Variants in RGS6 observed in about 807,000 individuals in gnomAD.
RGS6 encodes the protein regulator of G-protein signaling 6.
RGS6 carries 30 observed loss-of-function variants against 78.5 expected under a neutral mutation model. The ratio of observed to expected loss-of-function variants is 0.38; its 90% confidence interval spans 0.29 to 0.52. RGS6 has a LOEUF of 0.52. Among genes scored for constraint, RGS6 ranks in the 20% least tolerant of loss-of-function variants. The probability of loss-of-function intolerance (pLI) is 0.85; values close to 1 mark genes in which losing one functional copy is unlikely to be tolerated. For missense variants in RGS6, 495 were observed against 609.7 expected, an observed-to-expected ratio of 0.81 and a Z score of 1.98; for synonymous variants, 206 against 206.0, an observed-to-expected ratio of 1.00 and a Z score of 0.00.
rs551547840 is a variant in RGS6, at chr14:72,411,711, G to C, written c.185-42817G>C. ...TGATATTGGCTGTGGGTTTGTCATA[G>C]ATAGCTCTTATTATTTTGAGATACA... On this transcript the variant is annotated intron_variant, in intron 3 of 17. Transcript: ENST00000553525. Among the ~76,000 whole-genome samples the C allele has an allele frequency of 1.9e-3, 288 of 152,230 alleles. 1 individual carries two copies. The highest frequency in any genetic ancestry group is 6.4e-3 in the African/African-American group (267 of 41,516).
the RGS6 span, among the ~76,000 whole-genome samples, chr14:71,926,868 C>A: frequency 6.6e-6 from 1 of 152,104 alleles, no homozygotes; most frequent in African/African-American, 2.4e-5. Context: ...ATAAAGGATC[C>A]TTCTTATTGA....
At chr14:72,091,248 C>T (rs2095260240) in intron 2 of RGS6, among the ~76,000 whole-genome samples, 1 of 152,132 alleles carries the variant, frequency 6.6e-6, no homozygotes, top group Non-Finnish European at 1.5e-5. Flanking sequence ...TGGTATTGGC[C>T]CCTGCCTTTG....
At chr14:72,367,807 G>T (rs1223414715) in intron 3 of RGS6, among the ~76,000 whole-genome samples, 1 of 152,184 alleles carries the variant, frequency 6.6e-6, no homozygotes, top group Non-Finnish European at 1.5e-5. Context: ...GTTGGTCACT[G>T]TGTGACCTTG....
chr14:71,918,366 T>G, the RGS6 span, among the ~76,000 whole-genome samples: 3 of 152,206 alleles, frequency 2.0e-5, no homozygotes, highest in African/African-American at 7.2e-5. Context: ...AAAGGCTGCA[T>G]TCACCATTTA....
intron 1 of RGS6, among the ~76,000 whole-genome samples, chr14:71,958,020 CAT>C (rs34880009): frequency 0.29 from 42,751 of 149,496 alleles, 6,503 homozygotes; most frequent in Admixed American, 0.35. Flanking sequence ...CTCATGCATG[CAT>C]ATATATATAT....
chr14:71,991,264 A>G (rs765920890), intron 2 of RGS6, among the ~76,000 whole-genome samples: 1 of 152,174 alleles, frequency 6.6e-6, no homozygotes, highest in Non-Finnish European at 1.5e-5. Flanking sequence ...TTATCTCAGA[A>G]CTATTGAGTT....
chr14:72,502,954 A>G (rs929126698), intron 13 of RGS6, among the ~76,000 whole-genome samples: 10 of 152,180 alleles, frequency 6.6e-5, no homozygotes, highest in Non-Finnish European at 1.0e-4. Flanking sequence ...TTTTTCTAAT[A>G]ACTTGTCTTA....
chr14:72,261,650 G>A (rs1387697720), intron 2 of RGS6, among the ~76,000 whole-genome samples: 10 of 152,072 alleles, frequency 6.6e-5, no homozygotes, highest in African/African-American at 1.9e-4. Context: ...AAACCCACAC[G>A]ATACAGAGAC....
At chr14:72,442,016 A>G (rs570585042) in intron 3 of RGS6, among the ~76,000 whole-genome samples, 1 of 152,234 alleles carries the variant, frequency 6.6e-6, no homozygotes, top group Non-Finnish European at 1.5e-5. Context: ...TGAGAACTGG[A>G]ATGGAGGGAA....
chr14:72,217,719 GC>G (rs1369618693), intron 2 of RGS6, among the ~76,000 whole-genome samples: 5 of 152,046 alleles, frequency 3.3e-5, no homozygotes, highest in Non-Finnish European at 7.4e-5. Flanking sequence ...ATCCTTCCAT[GC>G]CATTTTTCAC....
intron 2 of RGS6, among the ~76,000 whole-genome samples, chr14:72,302,598 T>C (rs188633276): frequency 7.2e-4 from 110 of 152,266 alleles, no homozygotes; most frequent in African/African-American, 2.5e-3. Flanking sequence ...ACCTGCATCA[T>C]TATTGAAGTA....
chr14:72,221,831 G>T (rs142614086), intron 2 of RGS6, among the ~76,000 whole-genome samples: 2 of 152,242 alleles, frequency 1.3e-5, no homozygotes, highest in East Asian at 3.9e-4. Context: ...GTGCTAGTTG[G>T]CTTAGGCCAG....
At chr14:72,198,653 AG>A (rs968250000) in intron 2 of RGS6, among the ~76,000 whole-genome samples, 6 of 152,232 alleles carry the variant, frequency 3.9e-5, no homozygotes, top group African/African-American at 1.4e-4. Flanking sequence ...CTTGAAGTTC[AG>A]CTTCCTAATT....
intron 3 of RGS6, among the ~76,000 whole-genome samples, chr14:72,394,998 C>T (rs963260014): frequency 1.8e-4 from 27 of 152,234 alleles, no homozygotes; most frequent in Admixed American, 5.2e-4. Flanking sequence ...CCGGTCCCTC[C>T]GTTTGGGGTC....
chr14:72,110,748 G>T (rs2095741034), intron 2 of RGS6, among the ~76,000 whole-genome samples: 1 of 152,198 alleles, frequency 6.6e-6, no homozygotes, highest in Non-Finnish European at 1.5e-5. Context: ...ATGTTTGGGG[G>T]AAAGAAGTTT....
chr14:72,176,235 G>T (rs944934560), intron 2 of RGS6, among the ~76,000 whole-genome samples: 3 of 152,182 alleles, frequency 2.0e-5, no homozygotes, highest in Non-Finnish European at 4.4e-5. Context: ...GAGTTTTGGA[G>T]AACTACATTT....
chr14:72,322,690 T>C (rs577679670), intron 2 of RGS6, among the ~76,000 whole-genome samples: 61 of 152,088 alleles, frequency 4.0e-4, no homozygotes, highest in Non-Finnish European at 8.5e-4. Context: ...GACAAGAATT[T>C]GCTATGTTCA....
chr14:72,061,283 G>T (rs563328740), intron 2 of RGS6, among the ~76,000 whole-genome samples: 10 of 152,182 alleles, frequency 6.6e-5, no homozygotes, highest in Admixed American at 3.9e-4. Context: ...TATATCTTCA[G>T]CAGTATCCTT....
chr14:72,629,557 T>G, the RGS6 span: 1 of 1,427,330 alleles, frequency 7.0e-7, no homozygotes, highest in Non-Finnish European at 9.5e-7. Flanking sequence ...CCTTCCTTCC[T>G]CTTCACCCCT....
Sources: allele counts gnomAD v4.1 joint callset (sites outside exome capture counted in the v4.1 genomes callset), GRCh38; gene constraint gnomAD v4.1.1; transcripts MANE v1.5; gene names NCBI Gene and HGNC (gene_info 2026-07-23, HGNC 2026-07-21).